The following SPAST variants were observed in gnomAD, a reference collection of about 807,000 sequenced individuals.
The protein encoded by SPAST is spastin, also known as spastic paraplegia 4 (autosomal dominant; spastin).
A neutral mutation model predicts 76.6 loss-of-function variants in SPAST; 30 were observed. That is an observed-to-expected ratio of 0.39 (90% CI 0.29 to 0.53). The LOEUF (loss-of-function observed/expected upper bound fraction) is 0.53, where lower values mean the gene tolerates loss of function less well. Among genes scored for constraint, SPAST ranks in the 20% least tolerant of loss-of-function variants. SPAST has a pLI of 0.68. For missense variants in SPAST, 717 were observed against 770.5 expected, an observed-to-expected ratio of 0.93 and a Z score of 0.82; for synonymous variants, 305 against 281.0, an observed-to-expected ratio of 1.09 and a Z score of -0.86.
At chr2:32,102,596 G>A (rs1054442945) in intron 4 of SPAST, among the ~76,000 whole-genome samples, 19 of 152,292 alleles carry the variant, frequency 1.2e-4, no homozygotes, top group Middle Eastern at 3.4e-3. Flanking sequence ...GTATGATATT[G>A]GCTGTGGGTT....
intron 9 of SPAST, chr2:32,128,818 G>A (rs1679281029): frequency 6.1e-6 from 2 of 326,500 alleles, no homozygotes; most frequent in Non-Finnish European, 1.2e-5. Context: ...GAGGGAAAAT[G>A]TATGTTGTGT....
chr2:32,111,275 GTATACTA>G (rs1678584334), intron 4 of SPAST, among the ~76,000 whole-genome samples: 1 of 100,680 alleles, frequency 9.9e-6, no homozygotes, highest in Non-Finnish European at 2.1e-5. Flanking sequence ...TATATATACA[GTATACTA>G]TATAGTGTGT....
intron 15 of SPAST, among the ~76,000 whole-genome samples, chr2:32,146,833 CA>C (rs1403620272): frequency 1.0e-5 from 1 of 100,106 alleles, no homozygotes. Context: ...GCCTGGGCAA[CA>C]GAGCAAGACT....
chr2:32,119,747 C>T (rs573266647), intron 7 of SPAST, among the ~76,000 whole-genome samples: 6 of 152,244 alleles, frequency 3.9e-5, no homozygotes, highest in African/African-American at 1.2e-4. Context: ...CCTCTCCTCT[C>T]GCCCAAAAGT....
At chr2:32,072,777 G>A in intron 1 of SPAST, among the ~76,000 whole-genome samples, 1 of 152,164 alleles carries the variant, frequency 6.6e-6, no homozygotes, top group Non-Finnish European at 1.5e-5. Context: ...AGAAGTGTCA[G>A]ATTTGGTAAT....
At chr2:32,067,758 CTTT>C (rs11285790) in intron 1 of SPAST, among the ~76,000 whole-genome samples, 7 of 140,640 alleles carry the variant, frequency 5.0e-5, no homozygotes, top group Non-Finnish European at 6.2e-5. Flanking sequence ...AAGTGATCCT[CTTT>C]TTTTTTTTTT....
intron 1 of SPAST, among the ~76,000 whole-genome samples, chr2:32,074,173 A>G (rs1003362359): frequency 4.6e-5 from 7 of 152,210 alleles, no homozygotes; most frequent in African/African-American, 1.7e-4. Flanking sequence ...TGCTACCAGG[A>G]GCTGCGAATA....
intron 1 of SPAST, among the ~76,000 whole-genome samples, chr2:32,076,882 GT>G (rs933162300): frequency 1.1e-4 from 16 of 149,442 alleles, no homozygotes; most frequent in East Asian, 3.9e-4. Context: ...TTTGTTTTTT[GT>G]TTTTTTTTCT....
intron 16 of SPAST, among the ~76,000 whole-genome samples, chr2:32,147,746 C>G (rs1002807802): frequency 2.0e-5 from 3 of 152,054 alleles, no homozygotes; most frequent in Non-Finnish European, 4.4e-5. Flanking sequence ...ATTCTCCTGC[C>G]TCAGCCTCCC....
chr2:32,089,441 G>A (rs1267372985), intron 2 of SPAST, 81 bp from the exon 3 acceptor site: 2 of 811,120 alleles, frequency 2.5e-6, no homozygotes, highest in African/African-American at 3.4e-5. Flanking sequence ...GACTCCCCAT[G>A]AAAGTAGTTT....
chr2:32,124,432 TG>T (rs1679125012), intron 7 of SPAST, among the ~76,000 whole-genome samples: 1 of 152,190 alleles, frequency 6.6e-6, no homozygotes, highest in African/African-American at 2.4e-5. Flanking sequence ...AAATCTAAAA[TG>T]GTAGAACCAT....
intron 8 of SPAST, chr2:32,127,245 G>A (rs1292628722): frequency 5.7e-6 from 3 of 523,318 alleles, no homozygotes; most frequent in East Asian, 3.5e-5. Context: ...AGCCTCCCAA[G>A]TAGCTGGGAT....
chr2:32,110,117 G>GT (rs892548492), intron 4 of SPAST, among the ~76,000 whole-genome samples: 11 of 113,046 alleles, frequency 9.7e-5, no homozygotes, highest in African/African-American at 1.7e-4. Context: ...TTTTTTTTTT[G>GT]TTTTTTTTGT....
intron 4 of SPAST, among the ~76,000 whole-genome samples, chr2:32,113,338 G>A (rs1034405685): frequency 2.6e-5 from 4 of 151,558 alleles, no homozygotes; most frequent in Non-Finnish European, 4.4e-5. Context: ...GCCCGCCTCA[G>A]CCTCCCAAAA....
At chr2:32,149,278 TA>T (rs1679998581) in intron 16 of SPAST, among the ~76,000 whole-genome samples, 1 of 132,492 alleles carries the variant, frequency 7.5e-6, no homozygotes. Context: ...TTTGTATTTT[TA>T]GTAGAGATGG....
intron 14 of SPAST, among the ~76,000 whole-genome samples, 184 bp downstream of exon 14, chr2:32,143,599 C>A (rs192244084): frequency 6.6e-6 from 1 of 152,222 alleles, no homozygotes; most frequent in East Asian, 1.9e-4. Flanking sequence ...TATGTGGAAT[C>A]TAAATTTCAC....
At chr2:32,133,394 C>G (rs62142115) in intron 9 of SPAST, among the ~76,000 whole-genome samples, 1,871 of 152,258 alleles carry the variant, frequency 0.012, 22 homozygotes, top group Non-Finnish European at 0.018. Flanking sequence ...TCCAGGCACT[C>G]CACCATCTTT....
chr2:32,090,550 C>A (rs1166492779), intron 3 of SPAST, among the ~76,000 whole-genome samples: 1 of 152,058 alleles, frequency 6.6e-6, no homozygotes, highest in African/African-American at 2.4e-5. Context: ...ACTGACCCCC[C>A]CAAAATGCAA....
intron 4 of SPAST, among the ~76,000 whole-genome samples, chr2:32,103,870 G>C (rs1383644649): frequency 6.6e-6 from 1 of 152,168 alleles, no homozygotes; most frequent in Non-Finnish European, 1.5e-5. Context: ...ATTTGCTGAG[G>C]AGTGCTTTAG....
Sources: gnomAD v4.1 joint callset for allele counts (sites outside exome capture counted in the v4.1 genomes callset) on GRCh38, gnomAD v4.1.1 for gene constraint, MANE v1.5 for transcripts, NCBI Gene and HGNC (gene_info 2026-07-23, HGNC 2026-07-21) for gene names.